SMARCA2: variants seen among roughly 807,000 people sequenced by gnomAD.
The protein encoded by SMARCA2 is SWI/SNF related BAF chromatin remodeling complex subunit ATPase 2.
A neutral mutation model predicts 199.8 loss-of-function variants in SMARCA2; 61 were observed. The ratio of observed to expected loss-of-function variants is 0.31; its 90% CI spans 0.25 to 0.38. The LOEUF is 0.38. Ranked by LOEUF, SMARCA2 falls within the 10% of genes least tolerant of loss-of-function variation. The pLI, the probability that SMARCA2 is intolerant of heterozygous loss-of-function variation, is 1.00. For missense variants in SMARCA2, 1,344 were observed against 2,012.2 expected (o/e 0.67, Z 6.35); for synonymous variants, 935 against 732.0 (o/e 1.28, Z -4.48).
chr9:2,152,837 G>C (rs1198463772), intron 27 of SMARCA2, among the ~76,000 whole-genome samples: 1 of 151,920 alleles, frequency 6.6e-6, no homozygotes, highest in African/African-American at 2.4e-5. Context: ...GGGCAACAGA[G>C]GGAGCAAGAC....
intron 9 of SMARCA2, among the ~76,000 whole-genome samples, chr9:2,066,064 C>G (rs1399574683): frequency 6.6e-6 from 1 of 152,188 alleles, no homozygotes; most frequent in Non-Finnish European, 1.5e-5. Context: ...TCTTAATGCT[C>G]AAAGGTCCCC....
chr9:2,179,827 A>G (rs1163376116), intron 29 of SMARCA2, among the ~76,000 whole-genome samples: 3 of 152,206 alleles, frequency 2.0e-5, no homozygotes, highest in East Asian at 1.9e-4. Flanking sequence ...CCGCGATTAC[A>G]AAGAGGTCTG....
At chr9:2,177,620 T>G (rs866006677) in intron 29 of SMARCA2, among the ~76,000 whole-genome samples, 1 of 152,082 alleles carries the variant, frequency 6.6e-6, no homozygotes, top group Admixed American at 6.5e-5. Flanking sequence ...TGGCGCGATC[T>G]CAGCTCACCA....
Position 2,166,831 on chromosome 9 carries a change from T to C in SMARCA2, c.4200-3588T>C, listed in dbSNP as rs568733801. ...TCATGTCACCCACATTTATCCTTTC[T>C]CAGCATTTTCAAGAAAGGCTAAAAC... On this transcript the variant is annotated intron_variant, in intron 28 of 33. Coordinates refer to ENST00000349721, the MANE Select transcript of SMARCA2 (RefSeq NM_003070.5). Among the ~76,000 whole-genome samples the C allele has an allele frequency of 2.8e-4, 42 of 152,292 alleles. No homozygotes were observed. In the South Asian group the frequency reaches 7.1e-3, roughly 26 times the overall value.
chr9:2,164,059 C>G (rs1199656058), intron 28 of SMARCA2, among the ~76,000 whole-genome samples: 1 of 152,200 alleles, frequency 6.6e-6, no homozygotes, highest in Non-Finnish European at 1.5e-5. Context: ...GCCATCCTTT[C>G]ATTGGCAGCA....
rs983542006 is a variant in SMARCA2, at chr9:2,159,745, T to G, written c.3982-1941T>G. The G allele has an allele frequency of 8.4e-6, 13 of 1,538,532 alleles. No individual in the cohort carries two copies. In the African/African-American group the frequency reaches 1.8e-4, roughly 21 times the overall value. ...CCACAATCCTTTCAGTATTAAATTT[T>G]CAGTAAAATAAAATTACTTGTATAT... is the stretch of plus-strand genomic sequence containing the variant. On this transcript the variant is annotated intron_variant, in intron 27 of 33. Transcript: ENST00000349721.
chr9:2,044,521 C>T (rs960009407), intron 4 of SMARCA2: 1 of 152,200 alleles, frequency 6.6e-6, no homozygotes, highest in Non-Finnish European at 1.5e-5. Flanking sequence ...TTCTTTATCT[C>T]CCTGTCCTTG....
chr9:2,160,040 A>G (rs1404601842), intron 27 of SMARCA2: 2 of 1,215,374 alleles, frequency 1.6e-6, no homozygotes, highest in Non-Finnish European at 2.3e-6. Flanking sequence ...GAGGAGAGCA[A>G]TACCATTAAC....
intron 4 of SMARCA2, chr9:2,041,580 A>T: frequency 7.6e-6 from 3 of 394,136 alleles, no homozygotes; most frequent in Middle Eastern, 1.3e-3. Flanking sequence ...ATTTTAACAT[A>T]TGAATTTTGA....
chr9:2,176,348 TG>T (rs984834135), intron 29 of SMARCA2, among the ~76,000 whole-genome samples: 2 of 151,998 alleles, frequency 1.3e-5, no homozygotes, highest in Non-Finnish European at 2.9e-5. Flanking sequence ...AACATCTTGA[TG>T]ATTATCTGTT....
chr9:2,041,961 G>T (rs1200448588), intron 4 of SMARCA2: 1 of 152,008 alleles, frequency 6.6e-6, no homozygotes, highest in Non-Finnish European at 1.5e-5. Flanking sequence ...TGGAGAGTCG[G>T]GATTCAGACC....
At chr9:2,127,724 G>C (rs1264124394) in intron 27 of SMARCA2, among the ~76,000 whole-genome samples, 1 of 152,176 alleles carries the variant, frequency 6.6e-6, no homozygotes, top group African/African-American at 2.4e-5. Flanking sequence ...ACAAAATTTT[G>C]GTGAATATTT....
At chr9:2,085,215 T>C (rs1241291659) in intron 17 of SMARCA2, among the ~76,000 whole-genome samples, 2 of 152,212 alleles carry the variant, frequency 1.3e-5, no homozygotes, top group African/African-American at 4.8e-5. Context: ...GAGATGAATT[T>C]GGCAGTGTCA....
chr9:2,105,435 G>A (rs1449766803), intron 23 of SMARCA2, among the ~76,000 whole-genome samples: 3 of 150,674 alleles, frequency 2.0e-5, no homozygotes, highest in African/African-American at 7.4e-5. Context: ...GTATTTTTTA[G>A]TAAAGATGGG....
chr9:2,177,874 A>G (rs1240101817), intron 29 of SMARCA2, among the ~76,000 whole-genome samples: 3 of 152,238 alleles, frequency 2.0e-5, no homozygotes, highest in African/African-American at 7.2e-5. Flanking sequence ...CTTAACTAGC[A>G]TATCAGCCTT....
chr9:2,097,527 T>TAA, intron 21 of SMARCA2, 56 bp downstream of exon 21: 5 of 976,628 alleles, frequency 5.1e-6, no homozygotes, highest in African/African-American at 1.8e-5. Flanking sequence ...TAATGCTAGT[T>TAA]AAAAAAAAAC....
chr9:2,155,023 A>G (rs1825275644), intron 27 of SMARCA2, among the ~76,000 whole-genome samples: 1 of 152,212 alleles, frequency 6.6e-6, no homozygotes, highest in Non-Finnish European at 1.5e-5. Flanking sequence ...GCAGGGTCTC[A>G]AGATCATCTC....
intron 1 of SMARCA2, among the ~76,000 whole-genome samples, chr9:2,025,304 C>T: frequency 6.6e-6 from 1 of 152,066 alleles, no homozygotes; most frequent in Non-Finnish European, 1.5e-5. Flanking sequence ...GGGTGGGGAC[C>T]AGCAATGCAT....
At chr9:2,100,616 C>T (rs965166457) in intron 21 of SMARCA2, among the ~76,000 whole-genome samples, 25 of 151,918 alleles carry the variant, frequency 1.6e-4, no homozygotes, top group African/African-American at 4.6e-4. Flanking sequence ...GCAGGAGAAT[C>T]GCTTGAACCT....
Sources: allele counts gnomAD v4.1 joint callset (sites outside exome capture counted in the v4.1 genomes callset), GRCh38; gene constraint gnomAD v4.1.1; transcripts MANE v1.5; gene names NCBI Gene and HGNC (gene_info 2026-07-23, HGNC 2026-07-21).